The following HERC1 variants were observed in gnomAD, a reference collection of about 807,000 sequenced individuals.
HERC1 encodes HECT and RLD domain containing E3 ubiquitin protein ligase family member 1, also known as probable E3 ubiquitin-protein ligase HERC1.
HERC1 carries 160 observed loss-of-function variants against 554.3 expected under a neutral mutation model. That is an observed-to-expected ratio of 0.29 (90% CI 0.25 to 0.33). The LOEUF (loss-of-function observed/expected upper bound fraction) is 0.33. Among genes scored for constraint, HERC1 ranks in the 10% least tolerant of loss-of-function variants. The probability of loss-of-function intolerance (pLI) is 1.00; values close to 1 mark genes in which losing one functional copy is unlikely to be tolerated. For missense variants in HERC1, 4,919 were observed against 5,918.5 expected (o/e 0.83, Z 5.54); for synonymous variants, 2,175 against 2,131.7 (o/e 1.02, Z -0.56).
chr15:63,654,214 C>T lies in HERC1; in HGVS notation c.10195G>A (p.Asp3399Asn), dbSNP rs2069877030. The T allele has an allele frequency of 2.5e-6, 4 of 1,613,966 alleles. No individual in the cohort carries two copies. Among genetic ancestry groups the T allele is most frequent in the African/African-American group, 1.3e-5 (1 of 75,052 alleles). The change falls in exon 51 of 78, where the codon GAC (aspartate) becomes AAC (asparagine). Residue 3399 changes from aspartate to asparagine, a missense_variant. Physicochemically the swap from Asp to Asn is conservative, Grantham distance 23. Around this residue, in one of 11 missense-constraint regions of HERC1, gnomAD observed 1,963 missense variants for 2,228.6 expected, o/e 0.88. Coordinates refer to ENST00000443617, the MANE Select transcript of HERC1 (RefSeq NM_003922.4). ...QQLVRTLAAHDRDNQTTLQTL... is the reference protein window; with the variant it reads ...QQLVRTLAAHNRDNQTTLQTL... ...TGCAGAGTAGTTTGGTTGTCACGGT[C>T]GTGTGCAGCAAGAGTGCGCACGAGT...
intron 1 of HERC1, chr15:63,779,868 G>A (rs2076232816): frequency 6.6e-6 from 1 of 151,812 alleles, no homozygotes; most frequent in African/African-American, 2.4e-5. Context: ...ACAAAAATTA[G>A]CCAGTAGTGG....
At chr15:63,636,998 C>T (rs1005589648) in intron 64 of HERC1, 12 of 377,586 alleles carry the variant, frequency 3.2e-5, no homozygotes, top group South Asian at 1.9e-4. Flanking sequence ...CTAAAAAAAC[C>T]GTCGGTGCTC....
chr15:63,638,321 T>C, intron 63 of HERC1, 90 bp downstream of exon 63: 1 of 1,313,656 alleles, frequency 7.6e-7, no homozygotes, highest in Non-Finnish European at 1.1e-6. Context: ...GATTATGAAA[T>C]GGACAAGCTT....
intron 1 of HERC1, among the ~76,000 whole-genome samples, chr15:63,826,005 C>T (rs1214137607): frequency 6.6e-6 from 1 of 152,038 alleles, no homozygotes; most frequent in African/African-American, 2.4e-5. Flanking sequence ...TCAGGTGATC[C>T]ACCCACCTCA....
chr15:63,692,334 G>A lies in HERC1; in HGVS notation c.5830+77C>T, dbSNP rs2072159284. The stretch of plus-strand genomic sequence containing the variant: ...AAATCAAGGTTACACATGGAGTGTT[G>A]CTAAAGTCTGGCATTATCTTAATAA... On this transcript the variant is annotated intron_variant, in intron 31 of 77. Transcript: ENST00000443617. This position sits in a 1 kb window ranked among gnomAD's most constrained non-coding sequence, Gnocchi z 4.7. 1 of 1,150,878 alleles carries A rather than the reference G, an allele frequency of 8.7e-7. No individual in the cohort carries two copies. The highest frequency in any genetic ancestry group is 1.6e-5 in the African/African-American group (1 of 63,982). The allele number at this position is 1,150,878 out of a possible 1,614,324, so 71.3% of individuals were successfully genotyped here.
intron 1 of HERC1, among the ~76,000 whole-genome samples, chr15:63,778,200 T>C (rs1370099713): frequency 6.6e-6 from 1 of 152,082 alleles, no homozygotes; most frequent in Non-Finnish European, 1.5e-5. Flanking sequence ...CATCCAGCCA[T>C]AAGGCTTTGT....
intron 17 of HERC1, among the ~76,000 whole-genome samples, chr15:63,725,744 T>G (rs2074012496): frequency 1.3e-5 from 2 of 152,212 alleles, no homozygotes; most frequent in African/African-American, 4.8e-5. Flanking sequence ...TTACTAATTT[T>G]AAGATAAACA....
Position 63,694,868 on chromosome 15 carries a change from A to G in HERC1, c.5148T>C (p.Asn1716=), listed in dbSNP as rs1281452867. ...YQDGIRAAKR[N]IQIEIQVAVH... is the part of the protein sequence containing the mutation. ...CAGCTACCTGGATTTCAATCTGAAT[A>G]TTTCTCTTAGCTGCTCTGATCCCAT... Residue 1716 remains asparagine, a synonymous_variant, in exon 28 of 78, where the codon AAT becomes AAC. Coordinates refer to ENST00000443617, the MANE Select transcript of HERC1 (RefSeq NM_003922.4). This position sits in a 1 kb window ranked among gnomAD's most constrained non-coding sequence, Gnocchi z 4.3. The G allele has an allele frequency of 6.2e-7, 1 of 1,613,720 alleles. No individual in the cohort carries two copies. Among genetic ancestry groups the G allele is most frequent in the Non-Finnish European group, 8.5e-7 (1 of 1,179,708 alleles).
At chr15:63,633,088 G>C (rs2068631982) in intron 67 of HERC1, among the ~76,000 whole-genome samples, 1 of 152,200 alleles carries the variant, frequency 6.6e-6, no homozygotes, top group South Asian at 2.1e-4. Context: ...AGAGACCAGG[G>C]AGAATTCCAG....
At position 63,664,431 on chromosome 15, in the gene HERC1, G is replaced by A. The variant is rs772253180; in HGVS notation, c.8680+39C>T. ...TGCCTTTACATTGCTTTCAAAATAA[G>A]ATCTTTCACAAAGAAAAGGATACGG... On this transcript the variant is annotated intron_variant, in intron 43 of 77. Coordinates refer to ENST00000443617, the MANE Select transcript of HERC1 (RefSeq NM_003922.4). The A allele has an allele frequency of 3.2e-6, 5 of 1,575,808 alleles. No individual in the cohort carries two copies. The East Asian group carries it at 1.1e-4, about 36-fold the overall frequency.
At chr15:63,664,385 T>C in intron 43 of HERC1, 85 bp downstream of exon 43, 1 of 1,233,632 alleles carries the variant, frequency 8.1e-7, no homozygotes, top group East Asian at 2.4e-5. Flanking sequence ...TTAGTATCAT[T>C]AGTTTGAATC....
intron 12 of HERC1, among the ~76,000 whole-genome samples, chr15:63,737,451 C>T (rs1334760294): frequency 1.2e-5 from 1 of 83,330 alleles, no homozygotes; most frequent in Admixed American, 1.4e-4. Context: ...TATCTTTTTT[C>T]CAGATATATA....
At chr15:63,664,292 T>C (rs1234406845) in intron 43 of HERC1, among the ~76,000 whole-genome samples, 178 bp downstream of exon 43, 2 of 152,204 alleles carry the variant, frequency 1.3e-5, no homozygotes. Context: ...TATGAATGTA[T>C]GCTACGATTT....
chr15:63,774,658 A>G, intron 2 of HERC1, 36 bp downstream of exon 2: 1 of 1,476,046 alleles, frequency 6.8e-7, no homozygotes, highest in African/African-American at 1.4e-5. Context: ...TCCAAAAACT[A>G]TTATGAACTT....
At chr15:63,656,016 T>G in intron 49 of HERC1, 61 bp from the exon 50 acceptor site, 3 of 1,594,234 alleles carry the variant, frequency 1.9e-6, no homozygotes, top group Non-Finnish European at 2.6e-6. Context: ...ACAAAAATAT[T>G]TCATTTCAAA....
chr15:63,688,098 T>C (rs1422033249), intron 33 of HERC1, among the ~76,000 whole-genome samples: 1 of 152,166 alleles, frequency 6.6e-6, no homozygotes, highest in Non-Finnish European at 1.5e-5. Flanking sequence ...CTTTAGGGCA[T>C]AACAATGGAA....
At chr15:63,754,446 A>G in intron 7 of HERC1, 59 bp downstream of exon 7, 2 of 1,432,272 alleles carry the variant, frequency 1.4e-6, no homozygotes, top group East Asian at 2.3e-5. Flanking sequence ...ACTGAAAAAT[A>G]AATTTTTAAA....
intron 55 of HERC1, among the ~76,000 whole-genome samples, chr15:63,646,077 A>T (rs2069324110): frequency 6.6e-6 from 1 of 152,196 alleles, no homozygotes; most frequent in Non-Finnish European, 1.5e-5. Context: ...CCAATAGCAA[A>T]CACTAATGAG....
At chr15:63,616,761 G>A (rs577676098) in intron 74 of HERC1, 79 bp from the exon 75 acceptor site, 18 of 1,263,214 alleles carry the variant, frequency 1.4e-5, no homozygotes, top group Middle Eastern at 2.1e-4. Context: ...CAGCTATAGC[G>A]TTAGTCTATA....
Sources: allele counts gnomAD v4.1 joint callset (sites outside exome capture counted in the v4.1 genomes callset), GRCh38; gene constraint gnomAD v4.1.1; regional missense constraint gnomAD v4.1.1; non-coding constraint Gnocchi (gnomAD v3.1); transcripts MANE v1.5; gene names NCBI Gene and HGNC (gene_info 2026-07-23, HGNC 2026-07-21).